Variants in FRMD4A observed in about 807,000 individuals in gnomAD.
The protein encoded by FRMD4A is FERM domain containing 4A.
A neutral mutation model predicts 129.1 loss-of-function variants in FRMD4A; 29 were observed. That is an observed-to-expected ratio of 0.22 (90% CI 0.17 to 0.31). FRMD4A has a LOEUF of 0.31. Among genes scored for constraint, FRMD4A ranks in the 10% least tolerant of loss-of-function variants. The probability of loss-of-function intolerance (pLI) is 1.00; values close to 1 mark genes in which losing one functional copy is unlikely to be tolerated. For missense variants in FRMD4A, 1,272 were observed against 1,375.8 expected (o/e 0.92, Z 1.19); for synonymous variants, 634 against 571.6 (o/e 1.11, Z -1.56).
At chr10:13,694,948 C>CGTCT (rs2086074837) in intron 14 of FRMD4A, among the ~76,000 whole-genome samples, 2 of 152,176 alleles carry the variant, frequency 1.3e-5, no homozygotes, top group Admixed American at 1.3e-4. Context: ...GTCCCACCAA[C>CGTCT]GAACGTCTGA....
At chr10:14,214,030 A>G (rs7915761) in intron 2 of FRMD4A, among the ~76,000 whole-genome samples, 78,858 of 152,210 alleles carry the variant, frequency 0.52, 22,132 homozygotes, top group Non-Finnish European at 0.63. Context: ...GTTCCCCTGC[A>G]CAAGCTCTCT....
At chr10:14,293,215 C>A (rs1431633056) in intron 2 of FRMD4A, among the ~76,000 whole-genome samples, 1 of 152,150 alleles carries the variant, frequency 6.6e-6, no homozygotes, top group Non-Finnish European at 1.5e-5. Flanking sequence ...ATATTATTAT[C>A]ATGGGAGTCA....
At chr10:14,216,744 C>G (rs553328183) in intron 2 of FRMD4A, among the ~76,000 whole-genome samples, 138 of 152,154 alleles carry the variant, frequency 9.1e-4, no homozygotes, top group Middle Eastern at 3.4e-3. Context: ...TGTTTTTCTC[C>G]TTTTCCCTGC....
Position 13,733,073 on chromosome 10 carries a change from G to A in FRMD4A, c.759+4771C>T, listed in dbSNP as rs540475310. On this transcript the variant is annotated intron_variant, in intron 12 of 24. Coordinates refer to ENST00000357447, the MANE Select transcript of FRMD4A (RefSeq NM_018027.5). ...GAGGTTAAGAGCCACTGGCCTGGAG[G>A]CACTGAAGACAGACTTTTGGCTTAG... Among the ~76,000 whole-genome samples the A allele has an allele frequency of 2.6e-5, 4 of 152,352 alleles. No homozygotes were observed. The South Asian group carries it at 6.2e-4, about 24-fold the overall frequency.
chr10:14,268,728 G>A (rs1031738777), intron 2 of FRMD4A, among the ~76,000 whole-genome samples: 1 of 152,200 alleles, frequency 6.6e-6, no homozygotes, highest in Non-Finnish European at 1.5e-5. Flanking sequence ...TGCAATTCAT[G>A]TGTATGCATG....
chr10:13,817,283 C>G lies in FRMD4A; in HGVS notation c.112-6375G>C, dbSNP rs528766704. Among the ~76,000 whole-genome samples, 6 of 152,296 alleles carry G rather than the reference C, an allele frequency of 3.9e-5. No homozygotes were observed. In the East Asian group the frequency reaches 1.2e-3, roughly 29 times the overall value. The stretch of plus-strand genomic sequence containing the variant: ...CAGTCAGTGCTTTGTGGCTCCAGGA[C>G]CCAGATCTGAGTTCTTGAGAACACT... On this transcript the variant is annotated intron_variant, in intron 3 of 24. Coordinates refer to ENST00000357447, the MANE Select transcript of FRMD4A (RefSeq NM_018027.5).
In FRMD4A at chr10:13,889,545, G is replaced by T. The variant is rs564849142; in HGVS notation, c.46-30633C>A. On this transcript the variant is annotated intron_variant, in intron 2 of 24. Coordinates refer to ENST00000357447, the MANE Select transcript of FRMD4A (RefSeq NM_018027.5). ...GCTAATGGCACCAGCCACCTGCCAGGTTATCAGGGGACTTGATAACAATGT... is the reference window on the plus strand; with the variant it reads ...GCTAATGGCACCAGCCACCTGCCAGTTTATCAGGGGACTTGATAACAATGT... Among the ~76,000 whole-genome samples the T allele has an allele frequency of 8.5e-5, 13 of 152,296 alleles. No homozygotes were observed. The East Asian group carries it at 2.5e-3, about 29-fold the overall frequency.
chr10:14,102,688 C>A (rs1023571223), intron 2 of FRMD4A, among the ~76,000 whole-genome samples: 1 of 151,062 alleles, frequency 6.6e-6, no homozygotes, highest in East Asian at 1.9e-4. Context: ...TTATCCACAG[C>A]AAATATCTGA....
At chr10:13,698,021 C>T (rs1438443215) in intron 14 of FRMD4A, among the ~76,000 whole-genome samples, 2 of 149,980 alleles carry the variant, frequency 1.3e-5, no homozygotes, top group African/African-American at 2.4e-5. Context: ...CCAACCAGCA[C>T]AGCCTCCCTC....
chr10:13,983,501 A>C (rs2095569573), intron 2 of FRMD4A, among the ~76,000 whole-genome samples: 1 of 152,130 alleles, frequency 6.6e-6, no homozygotes, highest in Non-Finnish European at 1.5e-5. Flanking sequence ...CAGAATATAT[A>C]TATATTTTTT....
intron 2 of FRMD4A, among the ~76,000 whole-genome samples, chr10:13,960,229 C>T (rs1171237547): frequency 6.6e-6 from 1 of 152,212 alleles, no homozygotes; most frequent in African/African-American, 2.4e-5. Flanking sequence ...TGTCAAAAGC[C>T]TTCATTGAAT....
At chr10:13,744,192 G>C (rs2091168895) in intron 9 of FRMD4A, among the ~76,000 whole-genome samples, 1 of 152,072 alleles carries the variant, frequency 6.6e-6, no homozygotes, top group African/African-American at 2.4e-5. Flanking sequence ...GTTAAAAATA[G>C]ATGTCCCTGC....
chr10:13,749,102 A>G lies in FRMD4A; in HGVS notation c.465-1283T>C, dbSNP rs2091437826. Among the ~76,000 whole-genome samples the G allele has an allele frequency of 2.0e-5, 3 of 152,286 alleles. No individual in the cohort carries two copies. In the South Asian group the frequency reaches 6.2e-4, roughly 32 times the overall value. ...GCACCCACTTACTACCTCCAGAGCA[A>G]CAAACGGCAGCCACTTTGGGACAGT... On this transcript the variant is annotated intron_variant, in intron 8 of 24. Transcript: ENST00000357447.
intron 3 of FRMD4A, among the ~76,000 whole-genome samples, chr10:13,835,976 G>T (rs7899980): frequency 0.5 from 75,277 of 151,900 alleles, 18,757 homozygotes; most frequent in East Asian, 0.55. Context: ...TATGAGCCTG[G>T]CACTAAACAC....
chr10:14,284,601 C>T (rs12254860), intron 2 of FRMD4A, among the ~76,000 whole-genome samples: 2,660 of 152,238 alleles, frequency 0.017, 49 homozygotes, highest in African/African-American at 0.049. Flanking sequence ...TGCAGTGAGT[C>T]GAGATCGCGC....
intron 2 of FRMD4A, among the ~76,000 whole-genome samples, chr10:14,277,792 C>A (rs894403065): frequency 1.1e-4 from 16 of 152,174 alleles, no homozygotes; most frequent in African/African-American, 3.9e-4. Context: ...TCTTTGCCTA[C>A]TGGGGAAGGG....
intron 2 of FRMD4A, among the ~76,000 whole-genome samples, chr10:13,922,326 C>A (rs1441019460): frequency 6.6e-6 from 1 of 151,274 alleles, no homozygotes; most frequent in East Asian, 1.9e-4. Flanking sequence ...GAAGGTACTA[C>A]GTAAATAAAG....
intron 15 of FRMD4A, chr10:13,685,151 T>A (rs1002350233): frequency 3.0e-6 from 3 of 984,834 alleles, no homozygotes; most frequent in Non-Finnish European, 3.6e-6. Flanking sequence ...ATTTTTAACA[T>A]GAAAAAATGC....
intron 2 of FRMD4A, among the ~76,000 whole-genome samples, chr10:14,037,193 C>G (rs760527971): frequency 1.3e-5 from 2 of 152,150 alleles, no homozygotes; most frequent in African/African-American, 2.4e-5. Context: ...ATAGAACATA[C>G]TTTACAACTA....
Sources: gnomAD v4.1 joint callset for allele counts (sites outside exome capture counted in the v4.1 genomes callset) on GRCh38, gnomAD v4.1.1 for gene constraint, MANE v1.5 for transcripts, NCBI Gene and HGNC (gene_info 2026-07-23, HGNC 2026-07-21) for gene names.